DCC: variants seen among roughly 807,000 people sequenced by gnomAD.
The protein encoded by DCC is netrin receptor DCC.
Under a neutral mutation model 172.5 loss-of-function variants are expected in DCC, and 58 were observed. The observed-to-expected ratio is 0.34, with a 90% confidence interval of 0.27 to 0.42. DCC has a LOEUF of 0.42. Ranked by LOEUF, DCC falls within the 10% of genes least tolerant of loss-of-function variation. DCC has a pLI of 1.00. For synonymous variants in DCC, 709 were observed against 644.5 expected, an observed-to-expected ratio of 1.10 and a Z score of -1.52; for missense variants, 1,740 against 1,791.0, an observed-to-expected ratio of 0.97 and a Z score of 0.51.
chr18:52,836,798 C>T (rs992078869), intron 2 of DCC, among the ~76,000 whole-genome samples: 6 of 152,170 alleles, frequency 3.9e-5, no homozygotes, highest in African/African-American at 1.4e-4. Flanking sequence ...TCTCATGGTT[C>T]CACTAGGCAG....
chr18:52,705,718 T>C (rs2036197466), intron 1 of DCC, among the ~76,000 whole-genome samples: 1 of 152,152 alleles, frequency 6.6e-6, no homozygotes, highest in Non-Finnish European at 1.5e-5. Context: ...TTGAGCTGAG[T>C]GGTCTGCATA....
intron 15 of DCC, among the ~76,000 whole-genome samples, chr18:53,352,021 A>T (rs749328994): frequency 5.3e-5 from 8 of 152,012 alleles, no homozygotes; most frequent in Non-Finnish European, 1.0e-4. Context: ...TAAAGACTTG[A>T]CTCATTAGTA....
At chr18:52,992,758 T>G (rs2041414014) in intron 5 of DCC, among the ~76,000 whole-genome samples, 1 of 152,086 alleles carries the variant, frequency 6.6e-6, no homozygotes, top group African/African-American at 2.4e-5. Flanking sequence ...GGTGGATTGC[T>G]TCAGGGCAGG....
At chr18:52,529,834 A>T (rs1568214510) in intron 1 of DCC, among the ~76,000 whole-genome samples, 2 of 152,192 alleles carry the variant, frequency 1.3e-5, no homozygotes, top group Non-Finnish European at 2.9e-5. Flanking sequence ...GAAGATGATA[A>T]TGTCTGCTCC....
intron 15 of DCC, among the ~76,000 whole-genome samples, chr18:53,341,577 A>T (rs1208349591): frequency 6.6e-6 from 1 of 152,202 alleles, no homozygotes; most frequent in East Asian, 1.9e-4. Context: ...ACACACATAG[A>T]TAGGTATGTA....
intron 24 of DCC, among the ~76,000 whole-genome samples, chr18:53,465,079 A>G (rs1054756221): frequency 3.3e-5 from 5 of 151,868 alleles, no homozygotes; most frequent in Non-Finnish European, 7.4e-5. Flanking sequence ...CACATTAGAT[A>G]GTGTTTTAAT....
chr18:53,321,730 G>A (rs1428047135), intron 13 of DCC, among the ~76,000 whole-genome samples: 1 of 152,058 alleles, frequency 6.6e-6, no homozygotes, highest in Non-Finnish European at 1.5e-5. Context: ...CTTCTGAACA[G>A]TAAGGAAAAA....
chr18:52,691,323 C>G (rs184254845), intron 1 of DCC, among the ~76,000 whole-genome samples: 339 of 152,248 alleles, frequency 2.2e-3, no homozygotes, highest in African/African-American at 7.8e-3. Context: ...CATAAGTTTG[C>G]TTCTATGACC....
chr18:52,835,941 C>T (rs28678524), intron 2 of DCC, among the ~76,000 whole-genome samples: 66,133 of 151,576 alleles, frequency 0.44, 14,553 homozygotes, highest in South Asian at 0.55. Context: ...GAAAAATATC[C>T]GAGACTGAGT....
At chr18:52,387,765 C>T (rs1057013269) in intron 1 of DCC, among the ~76,000 whole-genome samples, 6 of 152,032 alleles carry the variant, frequency 3.9e-5, no homozygotes, top group Non-Finnish European at 7.4e-5. Context: ...GCTCTCTACT[C>T]TTTCAAATAT....
At chr18:52,448,330 T>C (rs768514802) in intron 1 of DCC, among the ~76,000 whole-genome samples, 5 of 152,174 alleles carry the variant, frequency 3.3e-5, no homozygotes, top group Non-Finnish European at 7.4e-5. Flanking sequence ...CGGTCCCTCA[T>C]GCCAAAAAGG....
chr18:52,421,181 T>C (rs1987235705), intron 1 of DCC, among the ~76,000 whole-genome samples: 1 of 152,116 alleles, frequency 6.6e-6, no homozygotes, highest in Non-Finnish European at 1.5e-5. Context: ...CTGTAACTTT[T>C]TAATTTAAAT....
chr18:52,883,024 A>T (rs1031442707), intron 2 of DCC, among the ~76,000 whole-genome samples: 1 of 152,024 alleles, frequency 6.6e-6, no homozygotes, highest in Non-Finnish European at 1.5e-5. Flanking sequence ...CTCTCCTGTT[A>T]CAGTTTTGGT....
intron 27 of DCC, among the ~76,000 whole-genome samples, chr18:53,522,425 T>C (rs187806947): frequency 1.2e-3 from 181 of 152,134 alleles, no homozygotes; most frequent in Middle Eastern, 3.4e-3. Flanking sequence ...CTACTTTGAA[T>C]TTCATGTGGA....
In DCC at chr18:52,753,161, T is replaced by C. The variant is rs150533790; in HGVS notation, c.412+787T>C. Among the ~76,000 whole-genome samples the C allele has an allele frequency of 2.6e-3, 391 of 152,316 alleles. 1 individual carries two copies. Among genetic ancestry groups the C allele is most frequent in the Middle Eastern group, 0.014 (4 of 294 alleles). ...ACCCATAAGTAGGATTGTTGTATCA[T>C]ATGGTAATTCTAATTTTAGTTTTTT... On this transcript the variant is annotated intron_variant, in intron 2 of 28. Transcript: ENST00000442544.
chr18:53,161,656 T>G (rs920480382), intron 8 of DCC, among the ~76,000 whole-genome samples: 16 of 152,202 alleles, frequency 1.1e-4, no homozygotes, highest in Non-Finnish European at 2.4e-4. Flanking sequence ...CCTGTTATGC[T>G]TCAACCCCAA....
intron 20 of DCC, among the ~76,000 whole-genome samples, chr18:53,412,411 G>A (rs1389684400): frequency 4.0e-5 from 6 of 151,868 alleles, no homozygotes; most frequent in Non-Finnish European, 1.5e-5. Context: ...ACCTACAATG[G>A]CAAATGTTCT....
At chr18:53,376,626 G>A (rs780523808) in intron 15 of DCC, among the ~76,000 whole-genome samples, 3 of 151,976 alleles carry the variant, frequency 2.0e-5, no homozygotes, top group African/African-American at 4.8e-5. Flanking sequence ...TGGAGTACAC[G>A]TGCTGCTTTC....
intron 9 of DCC, among the ~76,000 whole-genome samples, chr18:53,183,087 G>A (rs1464114112): frequency 6.6e-6 from 1 of 152,058 alleles, no homozygotes; most frequent in Non-Finnish European, 1.5e-5. Context: ...TACATAGCTT[G>A]TATACAAATT....
Sources: allele counts gnomAD v4.1 joint callset (sites outside exome capture counted in the v4.1 genomes callset), GRCh38; gene constraint gnomAD v4.1.1; transcripts MANE v1.5; gene names NCBI Gene and HGNC (gene_info 2026-07-23, HGNC 2026-07-21).